IPO13: variants seen among roughly 807,000 people sequenced by gnomAD.
IPO13 encodes importin 13.
In IPO13, 28 loss-of-function variants were observed where a neutral mutation model predicts 115.5. The observed-to-expected ratio is 0.24, with a 90% CI of 0.18 to 0.33. The LOEUF is 0.33. Ranked by LOEUF, IPO13 falls within the 10% of genes least tolerant of loss-of-function variation. The probability of loss-of-function intolerance (pLI) is 1.00; values close to 1 mark genes in which losing one functional copy is unlikely to be tolerated. For missense variants in IPO13, 785 were observed against 1,204.6 expected, an observed-to-expected ratio of 0.65 and a Z score of 5.16; for synonymous variants, 414 against 478.9, an observed-to-expected ratio of 0.86 and a Z score of 1.77.
chr1:43,957,268 A>G lies in IPO13; in HGVS notation c.1345A>G (p.Lys449Glu). The change falls in exon 6 of 20, where the codon AAG becomes GAG. Residue 449 changes from lysine to glutamate, a missense_variant. By Grantham distance (56) the Lys-to-Glu change is moderately conservative (BLOSUM62 1). This residue lies in a region of IPO13 where 175 missense variants were observed against 360.0 expected (regional missense o/e 0.49). Transcript: ENST00000372343. ...GAELLSNLYD[K>E]LGRLLTSSEE... ...CGAGCTGCTCAGCAACCTCTATGAC[A>G]AGCTGGGTCGTTTGCTCACCAGCTC... 6.2e-7 allele frequency: 1 copy of G among 1,614,032 alleles called. No individual in the cohort carries two copies. The highest frequency in any genetic ancestry group is 8.5e-7 in the Non-Finnish European group (1 of 1,179,972).
rs1182675334 is a variant in IPO13, at chr1:43,961,167, T to C, written c.2249T>C (p.Leu750Pro). 6.2e-7 allele frequency: 1 copy of C among 1,613,824 alleles called. No individual in the cohort carries two copies. The highest frequency in any genetic ancestry group is 1.3e-5 in the African/African-American group (1 of 74,936). The change falls in exon 14 of 20, where the codon CTG becomes CCG. Residue 750 changes from leucine (L) to proline (P), a missense_variant and splice_region_variant. Coordinates refer to ENST00000372343, the MANE Select transcript of IPO13 (RefSeq NM_014652.4). Reference sequence around the variant, plus strand: ...CCAGCATTCCCTGCTTTCTCGTAGCTGGTCCACATCTTTGCTCATGAGCCT... The same window carrying C: ...CCAGCATTCCCTGCTTTCTCGTAGCCGGTCCACATCTTTGCTCATGAGCCT... ...QASALDLTRQ[L>P]VHIFAHEPAH...
chr1:43,954,379 G>A (rs1382181902), intron 2 of IPO13, among the ~76,000 whole-genome samples: 6 of 152,168 alleles, frequency 3.9e-5, no homozygotes, highest in African/African-American at 9.7e-5. Context: ...GAAGGAGGCC[G>A]ATGTCCCTAG....
intron 2 of IPO13, among the ~76,000 whole-genome samples, chr1:43,955,421 T>C (rs1014270934): frequency 2.6e-5 from 4 of 152,218 alleles, no homozygotes; most frequent in African/African-American, 9.6e-5. Flanking sequence ...AAATTAACTG[T>C]CTCACAATTG....
intron 2 of IPO13, among the ~76,000 whole-genome samples, chr1:43,951,021 A>C (rs937750341): frequency 1.3e-5 from 2 of 150,880 alleles, no homozygotes; most frequent in Non-Finnish European, 2.9e-5. Context: ...GGAAAGTAGG[A>C]GTTGCCTGAG....
At position 43,956,061 on chromosome 1, in the gene IPO13, A is replaced by G. The variant is rs925392134; in HGVS notation, c.822-259A>G. On this transcript the variant is annotated intron_variant, in intron 2 of 19. Coordinates refer to ENST00000372343, the MANE Select transcript of IPO13 (RefSeq NM_014652.4). This position sits in a 1 kb window ranked among gnomAD's most constrained non-coding sequence, Gnocchi z 4.7. The stretch of plus-strand genomic sequence containing the variant: ...CATTCCGGAATCAGCTCTCAGTCCA[A>G]CTGGAGAACACAATTCAACCCATAA... Among the ~76,000 whole-genome samples, 5 of 151,866 alleles carry G rather than the reference A, an allele frequency of 3.3e-5. 1 individual carries two copies. The highest frequency in any genetic ancestry group is 7.4e-5 in the Non-Finnish European group (5 of 67,984).
intron 14 of IPO13, among the ~76,000 whole-genome samples, chr1:43,962,156 T>C (rs1311428595): frequency 6.6e-6 from 1 of 152,230 alleles, no homozygotes; most frequent in Admixed American, 6.5e-5. Flanking sequence ...CTGTGGGCCA[T>C]GGAGTAGGTC....
rs777509882 is a variant in IPO13, at chr1:43,956,491, G to T, written c.962+31G>T. 6.2e-7 allele frequency: 1 copy of T among 1,614,106 alleles called. No homozygotes were observed. The highest frequency in any genetic ancestry group is 1.7e-5 in the Admixed American group (1 of 60,028). On this transcript the variant is annotated intron_variant, in intron 3 of 19. Transcript: ENST00000372343. The surrounding 1 kb of genome is among the most constrained non-coding windows in gnomAD (Gnocchi z 4.7). ...GGGTGGAGCAGCTTGGGGTGGGATA[G>T]TAGGGCCCTCTAAGAAATGGGGTTC...
Position 43,967,759 on chromosome 1 carries a change from G to C in IPO13, c.*77G>C. The stretch of plus-strand genomic sequence containing the variant: ...AGAGTAAACCTGGACCCTCACTGCT[G>C]TCTCTGCCTCCTTTCTGCTGTCACC... On this transcript the variant is annotated 3_prime_UTR_variant, in exon 20 of 20. Transcript: ENST00000372343. The surrounding 1 kb of genome is among the most constrained non-coding windows in gnomAD (Gnocchi z 6.1). 1 of 1,335,620 alleles carries C rather than the reference G, an allele frequency of 7.5e-7. No individual in the cohort carries two copies. Among genetic ancestry groups the C allele is most frequent in the Non-Finnish European group, 1.1e-6 (1 of 940,594 alleles). The allele number at this position is 1,335,620 out of a possible 1,614,324, so 82.7% of individuals were successfully genotyped here.
Position 43,949,501 on chromosome 1 carries a change from C to G in IPO13, c.169C>G (p.Gln57Glu), listed in dbSNP as rs1320414227. Residue 57 changes from glutamine (Q) to glutamate (E), a missense_variant, in exon 2 of 20, where the codon CAG becomes GAG. Physicochemically the swap from Gln to Glu is conservative, Grantham distance 29 (BLOSUM62 2). This residue lies in a region of IPO13 where 325 missense variants were observed against 449.8 expected (regional missense o/e 0.72). Transcript: ENST00000372343. ...KWLMQAQVSP[Q>E]AWHFSWQLLQ... ...GCTGATGCAGGCCCAGGTCTCCCCA[C>G]AGGCCTGGCACTTCAGCTGGCAGCT... The G allele has an allele frequency of 2.5e-6, 4 of 1,614,044 alleles. No homozygotes were observed. The African/African-American group carries it at 5.3e-5, about 22-fold the overall frequency.
Position 43,967,499 on chromosome 1 carries a change from G to A in IPO13, c.2795+3G>A, listed in dbSNP as rs747514635. 1 of 1,614,126 alleles carries A rather than the reference G, an allele frequency of 6.2e-7. No individual in the cohort carries two copies. The highest frequency in any genetic ancestry group is 1.1e-5 in the South Asian group (1 of 91,082). The stretch of plus-strand genomic sequence containing the variant: ...ACCTTCAGCCAGCAGATCCTTCGGT[G>A]AGCAGAGCTGGGGTGGGCCTGGGGT... On this transcript the variant is annotated splice_donor_region_variant and intron_variant, in intron 19 of 19. Transcript: ENST00000372343. The surrounding 1 kb of genome is among the most constrained non-coding windows in gnomAD (Gnocchi z 6.1).
At chr1:43,965,776 G>A (rs2085318555) in intron 15 of IPO13, among the ~76,000 whole-genome samples, 1 of 151,566 alleles carries the variant, frequency 6.6e-6, no homozygotes, top group African/African-American at 2.4e-5. Context: ...GGGGGTAGAG[G>A]GGATGTGAGG....
chr1:43,949,412 T>G lies in IPO13; in HGVS notation c.85-5T>G, dbSNP rs1167352797. ...GCACCTGCTCAGTCCTGTGCTGTCC[T>G]GCAGGCGCTGCACCAGCTCTACTAT... On this transcript the variant is annotated splice_region_variant and splice_polypyrimidine_tract_variant and intron_variant, in intron 1 of 19. Transcript: ENST00000372343. The G allele has an allele frequency of 6.3e-7, 1 of 1,593,400 alleles. No homozygotes were observed. Among genetic ancestry groups the G allele is most frequent in the South Asian group, 1.1e-5 (1 of 88,042 alleles).
rs2085250160 is a variant in IPO13 at position 43,956,557 on chromosome 1, C to T, written c.963-3C>T. 2 of 1,614,070 alleles carry T rather than the reference C, an allele frequency of 1.2e-6. No homozygotes were observed. Among genetic ancestry groups the T allele is most frequent in the African/African-American group, 2.7e-5 (2 of 74,926 alleles). The stretch of plus-strand genomic sequence containing the variant: ...AGGTAGAATGACCTGACTCTCTCCC[C>T]AGGGCCTTGCTGGACCAAGTAGAGC... On this transcript the variant is annotated splice_polypyrimidine_tract_variant and splice_region_variant and intron_variant, in intron 3 of 19. Coordinates refer to ENST00000372343, the MANE Select transcript of IPO13 (RefSeq NM_014652.4). This position sits in a 1 kb window ranked among gnomAD's most constrained non-coding sequence, Gnocchi z 4.7.
chr1:43,957,166 A>G, intron 5 of IPO13, 29 bp from the exon 6 acceptor site: 1 of 1,608,594 alleles, frequency 6.2e-7, no homozygotes, highest in Non-Finnish European at 8.5e-7. Flanking sequence ...GGATCCAGGC[A>G]GTATAAAAGG....
chr1:43,961,027 T>C lies in IPO13; in HGVS notation c.2247+14T>C, dbSNP rs1017649236. The stretch of plus-strand genomic sequence containing the variant: ...CTCACTCGACAGGTGGGCCTTCTGG[T>C]TGGGGCAGAGATCCTGACCCTGGGT... On this transcript the variant is annotated intron_variant, in intron 13 of 19. Transcript: ENST00000372343. The C allele has an allele frequency of 1.9e-6, 3 of 1,613,978 alleles. No homozygotes were observed. Among genetic ancestry groups the C allele is most frequent in the South Asian group, 1.1e-5 (1 of 91,078 alleles).
intron 11 of IPO13, among the ~76,000 whole-genome samples, chr1:43,959,672 C>A (rs1372001781): frequency 6.6e-6 from 1 of 152,210 alleles, no homozygotes; most frequent in Non-Finnish European, 1.5e-5. Context: ...CTGCTTAACT[C>A]CCCAACCCAG....
In IPO13 at chr1:43,966,488, G is replaced by A. The variant is rs1194504304; in HGVS notation, c.2398-87G>A. On this transcript the variant is annotated intron_variant, in intron 15 of 19. Transcript: ENST00000372343. The surrounding 1 kb of genome is among the most constrained non-coding windows in gnomAD (Gnocchi z 4.1). ...TTGGCAGCCTCTACCTGTGAGGTGT[G>A]AAGTTGGGGGCTGGGGTGGCAGGTG... 1.0e-5 allele frequency: 14 copies of A among 1,386,904 alleles called. No individual in the cohort carries two copies. Among genetic ancestry groups the A allele is most frequent in the Non-Finnish European group, 1.4e-5 (14 of 979,948 alleles). 85.9% of individuals were successfully genotyped at this position (1,386,904 alleles called of 1,614,324 possible).
At chr1:43,957,843 G>A in intron 7 of IPO13, 134 bp from the exon 8 acceptor site, 1 of 851,334 alleles carries the variant, frequency 1.2e-6, no homozygotes, top group East Asian at 2.4e-5. Flanking sequence ...ACATGCATAT[G>A]TCCTCTGAAT....
intron 11 of IPO13, among the ~76,000 whole-genome samples, chr1:43,959,759 A>G (rs1571768970): frequency 6.6e-6 from 1 of 152,126 alleles, no homozygotes; most frequent in East Asian, 1.9e-4. Context: ...CATGGTAGTC[A>G]TCATCCTGCC....
Sources: gnomAD v4.1 joint callset for allele counts (sites outside exome capture counted in the v4.1 genomes callset) on GRCh38, gnomAD v4.1.1 for gene constraint, gnomAD v4.1.1 regional missense constraint, Gnocchi (gnomAD v3.1) non-coding constraint, MANE v1.5 for transcripts, NCBI Gene and HGNC (gene_info 2026-07-23, HGNC 2026-07-21) for gene names.